Variants in SLC26A7 observed in about 807,000 individuals in gnomAD.
SLC26A7 encodes anion exchange transporter.
In SLC26A7, 59 loss-of-function variants were observed where a neutral mutation model predicts 82.5. The ratio of observed to expected loss-of-function variants is 0.72; its 90% CI spans 0.58 to 0.89. The LOEUF is 0.89. Ranked by LOEUF, SLC26A7 falls within the 40% of genes least tolerant of loss-of-function variation. SLC26A7 has a pLI of 0.00. For synonymous variants in SLC26A7, 271 were observed against 274.3 expected (o/e 0.99, Z 0.12); for missense variants, 820 against 793.0 (o/e 1.03, Z -0.41).
chr8:91,361,774 A>T (rs1814055876), intron 11 of SLC26A7, among the ~76,000 whole-genome samples: 1 of 152,058 alleles, frequency 6.6e-6, no homozygotes, highest in Non-Finnish European at 1.5e-5. Context: ...GTTGGCCCTG[A>T]TATTTTAGCT....
At chr8:91,356,874 A>G (rs1319600485) in intron 11 of SLC26A7, among the ~76,000 whole-genome samples, 1 of 151,966 alleles carries the variant, frequency 6.6e-6, no homozygotes, top group Non-Finnish European at 1.5e-5. Context: ...TTTTTAGGGG[A>G]CCTATTTGCT....
chr8:91,373,957 G>A (rs547181704), intron 15 of SLC26A7, among the ~76,000 whole-genome samples: 3 of 151,926 alleles, frequency 2.0e-5, no homozygotes, highest in South Asian at 2.1e-4. Context: ...ATCTTGGGAG[G>A]TTGTATGTTT....
At chr8:91,336,024 G>A (rs1006715105) in intron 6 of SLC26A7, among the ~76,000 whole-genome samples, 2 of 152,072 alleles carry the variant, frequency 1.3e-5, no homozygotes, top group African/African-American at 2.4e-5. Context: ...TCACCACTAC[G>A]ACTGTCTCTT....
chr8:91,359,703 G>C (rs1813992960), intron 11 of SLC26A7, among the ~76,000 whole-genome samples: 2 of 152,068 alleles, frequency 1.3e-5, no homozygotes, highest in African/African-American at 4.8e-5. Flanking sequence ...TGGATTATTG[G>C]GTTATTGGGC....
chr8:91,291,150 T>C (rs560001592), intron 3 of SLC26A7, among the ~76,000 whole-genome samples: 18 of 152,298 alleles, frequency 1.2e-4, no homozygotes, highest in African/African-American at 4.1e-4. Flanking sequence ...GAGCTTTACA[T>C]ATGTTATTTT....
intron 4 of SLC26A7, among the ~76,000 whole-genome samples, chr8:91,307,833 TTAAAA>T (rs199586418): frequency 0.018 from 2,725 of 151,726 alleles, 72 homozygotes; most frequent in African/African-American, 0.06. Context: ...AATAAATTTC[TTAAAA>T]TAAAATAAAA....
chr8:91,245,764 G>A (rs1316911637), upstream of SLC26A7, among the ~76,000 whole-genome samples: 1 of 152,106 alleles, frequency 6.6e-6, no homozygotes, highest in Non-Finnish European at 1.5e-5. Flanking sequence ...ACCATTAAAT[G>A]TGATTCAGTT....
At chr8:91,322,205 CT>C (rs924802823) in intron 5 of SLC26A7, among the ~76,000 whole-genome samples, 6 of 151,964 alleles carry the variant, frequency 3.9e-5, no homozygotes, top group African/African-American at 1.2e-4. Context: ...ACAAATATAT[CT>C]TCTGTTAATG....
At chr8:91,390,110 CTTT>C (rs1202015002) in intron 16 of SLC26A7, among the ~76,000 whole-genome samples, 1 of 139,218 alleles carries the variant, frequency 7.2e-6, no homozygotes. Flanking sequence ...CCCCACCCGC[CTTT>C]TTTTTTTTTT....
rs967414247 is a variant in SLC26A7 at position 91,264,873 on chromosome 8, C to G, written c.193+15029C>G. 4.8e-4 allele frequency among the ~76,000 whole-genome samples: 73 copies of G among 151,958 alleles called. No individual in the cohort carries two copies. The Middle Eastern group carries it at 0.01, about 21-fold the overall frequency. Reference sequence around the variant, plus strand: ...AGTTATCATGTCTATCACTTCAGATCTTCATCATTTTTTTGTGGTAATAAC... The same window carrying G: ...AGTTATCATGTCTATCACTTCAGATGTTCATCATTTTTTTGTGGTAATAAC... On this transcript the variant is annotated intron_variant, in intron 2 of 18. Transcript: ENST00000276609.
chr8:91,374,093 G>A (rs1363749870), intron 15 of SLC26A7, among the ~76,000 whole-genome samples: 2 of 151,730 alleles, frequency 1.3e-5, no homozygotes, highest in East Asian at 3.9e-4. Flanking sequence ...ATTTCTCATT[G>A]TGCTTATTTG....
At chr8:91,222,560 A>G (rs1022898149) in intron 2 of SLC26A7, among the ~76,000 whole-genome samples, 1 of 152,252 alleles carries the variant, frequency 6.6e-6, no homozygotes, top group Non-Finnish European at 1.5e-5. Context: ...AAAATTTTTA[A>G]CATGAAGGAT....
chr8:91,316,471 T>C (rs1242531474), intron 4 of SLC26A7, among the ~76,000 whole-genome samples: 14 of 132,178 alleles, frequency 1.1e-4, no homozygotes, highest in African/African-American at 4.0e-4. Flanking sequence ...TTTTTTTTTT[T>C]TTTTTTTTTT....
chr8:91,240,845 C>T (rs1422230653), intron 2 of SLC26A7, among the ~76,000 whole-genome samples: 2 of 152,074 alleles, frequency 1.3e-5, no homozygotes, highest in African/African-American at 4.8e-5. Context: ...ATCCAGAAAA[C>T]TAGACATCAG....
chr8:91,358,417 C>A (rs1813939730), intron 11 of SLC26A7, among the ~76,000 whole-genome samples: 1 of 151,668 alleles, frequency 6.6e-6, no homozygotes, highest in African/African-American at 2.4e-5. Flanking sequence ...CAAGCTCCAC[C>A]TCCTTGGGTT....
intron 2 of SLC26A7, among the ~76,000 whole-genome samples, chr8:91,266,357 C>G (rs955426825): frequency 3.3e-5 from 5 of 151,644 alleles, no homozygotes; most frequent in African/African-American, 1.2e-4. Flanking sequence ...TTAATTATTC[C>G]AATTTATGAA....
At chr8:91,380,477 T>A (rs948948593) in intron 15 of SLC26A7, among the ~76,000 whole-genome samples, 5 of 152,174 alleles carry the variant, frequency 3.3e-5, no homozygotes, top group Non-Finnish European at 4.4e-5. Context: ...GACAATCATC[T>A]CCGGTTGTTT....
intron 13 of SLC26A7, among the ~76,000 whole-genome samples, chr8:91,365,750 T>C (rs1433859192): frequency 6.6e-6 from 1 of 152,218 alleles, no homozygotes; most frequent in African/African-American, 2.4e-5. Flanking sequence ...TTTCTTTCTT[T>C]CATACTTCTA....
chr8:91,266,544 A>C (rs1338269750), intron 2 of SLC26A7, among the ~76,000 whole-genome samples: 3 of 151,828 alleles, frequency 2.0e-5, no homozygotes. Flanking sequence ...ATTCATTTGT[A>C]GCATATAAAA....
Sources: allele counts gnomAD v4.1 joint callset (sites outside exome capture counted in the v4.1 genomes callset), GRCh38; gene constraint gnomAD v4.1.1; transcripts MANE v1.5; gene names NCBI Gene and HGNC (gene_info 2026-07-23, HGNC 2026-07-21).